Variants in COL5A2 observed in about 807,000 individuals in gnomAD.
COL5A2 encodes the protein collagen alpha-2(V) chain.
A neutral mutation model predicts 208.2 loss-of-function variants in COL5A2; 23 were observed. That is an observed-to-expected ratio of 0.11 (90% CI 0.08 to 0.16). The LOEUF is 0.16. COL5A2 is among the 10% of genes least tolerant of loss of function. COL5A2 has a pLI of 1.00. For missense variants in COL5A2, 1,590 were observed against 1,956.4 expected (o/e 0.81, Z 3.53); for synonymous variants, 625 against 628.5 (o/e 0.99, Z 0.08).
intron 11 of COL5A2, among the ~76,000 whole-genome samples, chr2:189,084,525 T>C (rs539505010): frequency 6.6e-6 from 1 of 152,292 alleles, no homozygotes; most frequent in African/African-American, 2.4e-5. Flanking sequence ...TTATGACTCA[T>C]AAAGAGAAAA....
At chr2:189,231,680 A>G in the COL5A2 span, among the ~76,000 whole-genome samples, 1 of 151,828 alleles carries the variant, frequency 6.6e-6, no homozygotes, top group South Asian at 2.1e-4. Flanking sequence ...ATAGACAGAG[A>G]TGATACAGAT....
chr2:189,251,787 G>A, the COL5A2 span, among the ~76,000 whole-genome samples: 4,491 of 151,894 alleles, frequency 0.03, 78 homozygotes, highest in Admixed American at 0.046. Flanking sequence ...AAAGAGCTTC[G>A]CACAGCAAAA....
intron 11 of COL5A2, 138 bp downstream of exon 11, chr2:189,085,022 G>A (rs1686624199): frequency 5.8e-6 from 4 of 686,672 alleles, no homozygotes; most frequent in Non-Finnish European, 7.8e-6. Context: ...CATTCTGAGT[G>A]CTCCTGTTTA....
intron 1 of COL5A2, among the ~76,000 whole-genome samples, chr2:189,193,004 T>A (rs1688950305): frequency 6.6e-6 from 1 of 152,198 alleles, no homozygotes; most frequent in Admixed American, 6.5e-5. Context: ...TGGTCCTGTT[T>A]TGTCTCTGTC....
the COL5A2 span, among the ~76,000 whole-genome samples, chr2:189,421,217 T>G: frequency 1.3e-5 from 2 of 152,162 alleles, no homozygotes; most frequent in African/African-American, 4.8e-5. Context: ...TATTTCTTTC[T>G]TATCTCTCTC....
the COL5A2 span, among the ~76,000 whole-genome samples, chr2:189,307,734 A>G: frequency 2.0e-5 from 3 of 152,356 alleles, no homozygotes; most frequent in African/African-American, 4.8e-5. Context: ...GGGAGTGTCA[A>G]TATCTTGATA....
chr2:189,238,508 T>C, the COL5A2 span, among the ~76,000 whole-genome samples: 5 of 152,112 alleles, frequency 3.3e-5, no homozygotes, highest in African/African-American at 4.8e-5. Context: ...CATACTGCTA[T>C]ATAAAGAACT....
At chr2:189,216,040 G>C (rs1689274373) in intron 1 of COL5A2, among the ~76,000 whole-genome samples, 1 of 151,896 alleles carries the variant, frequency 6.6e-6, no homozygotes, top group African/African-American at 2.4e-5. Context: ...ACATGCTATT[G>C]GGCTTTGAGA....
At chr2:189,323,634 A>G in the COL5A2 span, among the ~76,000 whole-genome samples, 2 of 152,206 alleles carry the variant, frequency 1.3e-5, no homozygotes, top group Admixed American at 6.5e-5. Flanking sequence ...GGACCTTTTC[A>G]AGGAGAACTA....
At chr2:189,239,738 G>A in the COL5A2 span, among the ~76,000 whole-genome samples, 1 of 151,584 alleles carries the variant, frequency 6.6e-6, no homozygotes, top group African/African-American at 2.4e-5. Flanking sequence ...CCTACACATT[G>A]TGCACATGTA....
the COL5A2 span, among the ~76,000 whole-genome samples, chr2:189,251,998 G>A: frequency 1.3e-5 from 2 of 152,066 alleles, no homozygotes; most frequent in African/African-American, 4.8e-5. Flanking sequence ...GCAGCCAAAA[G>A]ACACATGAAA....
At chr2:189,237,090 G>A in the COL5A2 span, among the ~76,000 whole-genome samples, 23 of 151,586 alleles carry the variant, frequency 1.5e-4, no homozygotes, top group African/African-American at 5.3e-4. Context: ...TCACAATTGA[G>A]TATTACTATT....
the COL5A2 span, among the ~76,000 whole-genome samples, chr2:189,432,652 A>C: frequency 6.6e-6 from 1 of 152,142 alleles, no homozygotes; most frequent in African/African-American, 2.4e-5. Context: ...ATATCTGCAC[A>C]CAATACAGGA....
At position 189,074,245 on chromosome 2, in the gene COL5A2, A is replaced by G. The variant is rs72904436; in HGVS notation, c.1104+1148T>C. On this transcript the variant is annotated intron_variant, in intron 17 of 53. Transcript: ENST00000374866. ...TGAATGATCTCACACTAATTATTAC[A>G]GAAAAGAGCTCAAAAACCCTTTAAA... 4.6e-3 allele frequency among the ~76,000 whole-genome samples: 706 copies of G among 152,224 alleles called. 7 individuals are homozygous for G. Among genetic ancestry groups the G allele is most frequent in the Admixed American group, 0.011 (161 of 15,282 alleles).
At chr2:189,090,244 C>T (rs942974607) in intron 7 of COL5A2, among the ~76,000 whole-genome samples, 4 of 152,170 alleles carry the variant, frequency 2.6e-5, no homozygotes, top group African/African-American at 7.2e-5. Flanking sequence ...CCAACCACAA[C>T]ATTATCTTAC....
the COL5A2 span, among the ~76,000 whole-genome samples, chr2:189,440,297 T>G: frequency 2.0e-5 from 3 of 152,206 alleles, no homozygotes; most frequent in Non-Finnish European, 1.5e-5. Context: ...AGAAATGCAT[T>G]TTAGGTGATT....
At chr2:189,089,726 T>A (rs1686742049) in intron 7 of COL5A2, among the ~76,000 whole-genome samples, 2 of 152,198 alleles carry the variant, frequency 1.3e-5, no homozygotes. Flanking sequence ...TACTTTAATA[T>A]TATTATTGTT....
chr2:189,055,286 G>GAGGA lies in COL5A2; in HGVS notation c.2392-1078_2392-1075dup, dbSNP rs1395870133. 2.6e-5 allele frequency among the ~76,000 whole-genome samples: 4 copies of GAGGA among 152,314 alleles called. No individual in the cohort carries two copies. The East Asian group carries it at 5.8e-4, about 22-fold the overall frequency. ...ATGGGCATAGGAGAGCTAACACTTA[G>GAGGA]AGGACAGTACAGCTAACACATGGGG... On this transcript the variant is annotated intron_variant, in intron 35 of 53. Coordinates refer to ENST00000374866, the MANE Select transcript of COL5A2 (RefSeq NM_000393.5).
At chr2:189,302,927 A>G in the COL5A2 span, among the ~76,000 whole-genome samples, 1 of 152,312 alleles carries the variant, frequency 6.6e-6, no homozygotes, top group East Asian at 1.9e-4. Flanking sequence ...GGATATGCCA[A>G]AAAGGAGCCA....
Sources: allele counts gnomAD v4.1 joint callset (sites outside exome capture counted in the v4.1 genomes callset), GRCh38; gene constraint gnomAD v4.1.1; transcripts MANE v1.5; gene names NCBI Gene and HGNC (gene_info 2026-07-23, HGNC 2026-07-21).